Variants in OR2C1 observed in about 807,000 individuals in gnomAD.
OR2C1 encodes olfactory receptor 2C1.
For missense variants in OR2C1, 468 were observed against 388.3 expected, an observed-to-expected ratio of 1.21 and a Z score of -1.73; for synonymous variants, 209 against 167.3, an observed-to-expected ratio of 1.25 and a Z score of -1.92.
the OR2C1 span, among the ~76,000 whole-genome samples, chr16:3,334,173 C>G: frequency 5.3e-5 from 8 of 149,716 alleles, no homozygotes; most frequent in South Asian, 4.2e-4. Context: ...GAGTATCACT[C>G]TCTCCCCAGG....
chr16:3,325,324 G>A, the OR2C1 span, among the ~76,000 whole-genome samples: 1 of 151,408 alleles, frequency 6.6e-6, no homozygotes, highest in Non-Finnish European at 1.5e-5. Context: ...TTACTATGTC[G>A]CCCAGGCTGG....
the OR2C1 span, among the ~76,000 whole-genome samples, chr16:3,347,596 GCAGA>G: frequency 8.6e-5 from 13 of 151,328 alleles, no homozygotes; most frequent in Non-Finnish European, 1.5e-4. Flanking sequence ...ATTCCTGTTT[GCAGA>G]CAAACAAATA....
At chr16:3,328,730 G>A in the OR2C1 span, among the ~76,000 whole-genome samples, 30 of 152,256 alleles carry the variant, frequency 2.0e-4, no homozygotes, top group East Asian at 3.5e-3. Context: ...AGCATACCAC[G>A]TTAACTGAAG....
rs535193270 is a variant in OR2C1 at position 3,357,143 on chromosome 16, A to T, written c.*264A>T. 13 of 408,214 alleles carry T rather than the reference A, an allele frequency of 3.2e-5. No homozygotes were observed. Among genetic ancestry groups the T allele is most frequent in the Non-Finnish European group, 5.5e-5 (12 of 218,586 alleles). The allele number at this position is 408,214 out of a possible 1,614,324, so 25.3% of individuals were successfully genotyped here. A position where few individuals can be genotyped will look rare whatever the true frequency, so the allele number is the denominator to read the frequency against. On this transcript the variant is annotated 3_prime_UTR_variant, in exon 1 of 1. Transcript: ENST00000304936. ...AGGGCTCAGAGGTTATTGACCTGTG[A>T]CAGACCTGTCTCACTGTCTCTGTCT...
chr16:3,341,034 T>C, the OR2C1 span, among the ~76,000 whole-genome samples: 1 of 152,022 alleles, frequency 6.6e-6, no homozygotes, highest in African/African-American at 2.4e-5. Flanking sequence ...AACTTGTAGA[T>C]CACTTTGGGG....
the OR2C1 span, among the ~76,000 whole-genome samples, chr16:3,328,044 T>C: frequency 6.6e-6 from 1 of 152,220 alleles, no homozygotes; most frequent in Non-Finnish European, 1.5e-5. Context: ...TCCTCATTTG[T>C]TATCATGCTT....
the OR2C1 span, among the ~76,000 whole-genome samples, chr16:3,336,277 A>T: frequency 6.6e-6 from 1 of 152,138 alleles, no homozygotes; most frequent in Admixed American, 6.5e-5. Context: ...GATCTTTTTA[A>T]TGTGTTACTG....
At chr16:3,351,863 T>C (rs1043607315), upstream of OR2C1, among the ~76,000 whole-genome samples, 2 of 151,594 alleles carry the variant, frequency 1.3e-5, no homozygotes, top group African/African-American at 4.9e-5. Flanking sequence ...TTGTACTTAT[T>C]TGATGTATTG....
At chr16:3,345,398 A>G in the OR2C1 span, among the ~76,000 whole-genome samples, 1 of 152,036 alleles carries the variant, frequency 6.6e-6, no homozygotes, top group Non-Finnish European at 1.5e-5. Flanking sequence ...AGGCAGGAGA[A>G]TGACGTGAAC....
At chr16:3,329,340 T>C in the OR2C1 span, among the ~76,000 whole-genome samples, 38 of 151,620 alleles carry the variant, frequency 2.5e-4, no homozygotes, top group Admixed American at 5.9e-4. Context: ...TGACCAAGAA[T>C]GTCCCAGGAT....
the OR2C1 span, among the ~76,000 whole-genome samples, chr16:3,333,210 C>CTTTTTTTTTTTT: frequency 3.6e-4 from 12 of 33,050 alleles, 4 homozygotes; most frequent in Admixed American, 6.8e-4. Context: ...ATCTTTTGCC[C>CTTTTTTTTTTTT]ATTTTTTTTT....
chr16:3,333,326 T>A, the OR2C1 span, among the ~76,000 whole-genome samples: 107,024 of 149,152 alleles, frequency 0.72, 38,565 homozygotes, highest in South Asian at 0.81. Context: ...ATATTTTCTT[T>A]TTTTATTTTA....
In OR2C1 at chr16:3,356,777, G is replaced by C; in HGVS notation, c.837G>C (p.Ser279=). The C allele has an allele frequency of 6.2e-7, 1 of 1,614,108 alleles. No homozygotes were observed. The highest frequency in any genetic ancestry group is 1.1e-5 in the South Asian group (1 of 91,080). ...GCAAGTTCATTTCCCTGTTCTACTC[G>C]TTGGTCACACCCATGGTGAATCCCC... ...DQGKFISLFY[S]LVTPMVNPLI... Residue 279 remains serine (S), a synonymous_variant, in exon 1 of 1, where the codon TCG becomes TCC. Transcript: ENST00000304936.
rs1166444446 is a variant in OR2C1, at chr16:3,356,499, C to T, written c.559C>T (p.Leu187=). The change falls in exon 1 of 1, where the codon CTG becomes TTG. Residue 187 remains leucine (L), a synonymous_variant. Transcript: ENST00000304936. ...FLCEVPAMIK[L]ACGDTSLNQA... ...CTGCGAGGTGCCTGCCATGATCAAA[C>T]TGGCCTGTGGCGACACAAGTCTCAA... The T allele has an allele frequency of 1.2e-6, 2 of 1,614,028 alleles. No individual in the cohort carries two copies. The highest frequency in any genetic ancestry group is 1.7e-6 in the Non-Finnish European group (2 of 1,180,050).
At chr16:3,322,947 G>A in the OR2C1 span, 28 of 985,074 alleles carry the variant, frequency 2.8e-5, 3 homozygotes, top group Admixed American at 9.8e-4. Flanking sequence ...GACTACTTCC[G>A]CCGACAAGGA....
At position 3,356,521 on chromosome 16, in the gene OR2C1, T is replaced by G. The variant is rs201738394; in HGVS notation, c.581T>G (p.Leu194Arg). The change falls in exon 1 of 1, where the codon CTC becomes CGC. Residue 194 changes from leucine to arginine, a missense_variant. Physicochemically the swap from Leu to Arg is moderately radical, Grantham distance 102. Transcript: ENST00000304936. ...MIKLACGDTS[L>R]NQAVLNGVCT... is the part of the protein sequence containing the mutation. ...AAACTGGCCTGTGGCGACACAAGTC[T>G]CAACCAGGCTGTGCTCAATGGTGTC... 9 of 1,614,174 alleles carry G rather than the reference T, an allele frequency of 5.6e-6. No individual in the cohort carries two copies. The highest frequency in any genetic ancestry group is 1.1e-5 in the South Asian group (1 of 91,092).
the OR2C1 span, among the ~76,000 whole-genome samples, chr16:3,332,440 T>G: frequency 6.6e-6 from 1 of 152,032 alleles, no homozygotes; most frequent in Non-Finnish European, 1.5e-5. Flanking sequence ...TAGTGACCTA[T>G]TGAACACTAG....
chr16:3,345,999 A>G, the OR2C1 span, among the ~76,000 whole-genome samples: 1 of 151,844 alleles, frequency 6.6e-6, no homozygotes, highest in African/African-American at 2.4e-5. Flanking sequence ...ACGTCTAACT[A>G]ATTTTTAAAA....
the OR2C1 span, among the ~76,000 whole-genome samples, chr16:3,327,424 C>G: frequency 6.6e-6 from 1 of 152,062 alleles, no homozygotes; most frequent in Admixed American, 6.6e-5. Flanking sequence ...CCCATAGGAG[C>G]AAAGCTCATT....
Sources: gnomAD v4.1 joint callset for allele counts (sites outside exome capture counted in the v4.1 genomes callset) on GRCh38, gnomAD v4.1.1 for gene constraint, MANE v1.5 for transcripts, NCBI Gene and HGNC (gene_info 2026-07-23, HGNC 2026-07-21) for gene names.